Variants in AHNAK observed in about 807,000 individuals in gnomAD.
AHNAK encodes AHNAK nucleoprotein.
In AHNAK, 23 loss-of-function variants were observed where a neutral mutation model predicts 37.8. That is an observed-to-expected ratio of 0.61 (90% CI 0.44 to 0.86). The LOEUF (loss-of-function observed/expected upper bound fraction) is 0.86. Among genes scored for constraint, AHNAK ranks in the 40% least tolerant of loss-of-function variants. AHNAK has a pLI of 0.00. For missense variants in AHNAK, 7,411 were observed against 7,319.4 expected (o/e 1.01, Z -0.46); for synonymous variants, 2,481 against 2,636.3 (o/e 0.94, Z 1.80).
In AHNAK at chr11:62,523,744, T is replaced by G; in HGVS notation, c.10673A>C (p.Lys3558Thr). 1 of 1,613,694 alleles carries G rather than the reference T, an allele frequency of 6.2e-7. No individual in the cohort carries two copies. Among genetic ancestry groups the G allele is most frequent in the Non-Finnish European group, 8.5e-7 (1 of 1,179,936 alleles). ...IDLNLKGPKV[K>T]GDVDISLPKL... ...GGGAAGAGAAATATCCACATCACCT[T>G]TCACCTTGGGGCCTTTCAAGTTTAA... is the stretch of plus-strand genomic sequence containing the variant. The change falls in exon 5 of 5, where the codon AAA (lysine) becomes ACA (threonine). Residue 3558 changes from lysine (K) to threonine (T), a missense_variant. Transcript: ENST00000378024.
chr11:62,466,091 G>A (rs929210380), intron 5 of AHNAK, among the ~76,000 whole-genome samples: 5 of 152,218 alleles, frequency 3.3e-5, no homozygotes, highest in East Asian at 1.9e-4. Flanking sequence ...AGGCCGAGGC[G>A]AGTGGATCAC....
chr11:62,438,009 A>G (rs1281162029), intron 5 of AHNAK, among the ~76,000 whole-genome samples: 5 of 151,626 alleles, frequency 3.3e-5, no homozygotes, highest in African/African-American at 1.2e-4. Flanking sequence ...TGATCCTCCC[A>G]CCTCAGTCTC....
rs1321491502 is a variant in AHNAK, at chr11:62,519,347, T to A, written c.15070A>T (p.Lys5024Ter). 6.2e-7 allele frequency: 1 copy of A among 1,614,144 alleles called. No individual in the cohort carries two copies. Among genetic ancestry groups the A allele is most frequent in the Non-Finnish European group, 8.5e-7 (1 of 1,180,018 alleles). ...VGGKGKKSKF[K>*]MPKIHMSGPK... ...CCACTCATATGAATTTTAGGCATTTTAAACTTACTTTTCTTGCCCTTGCCA... is the reference window on the plus strand; with the variant it reads ...CCACTCATATGAATTTTAGGCATTTAAAACTTACTTTTCTTGCCCTTGCCA... The change falls in exon 5 of 5, where the codon AAA becomes TAA. Residue 5024 changes from lysine (K) to a stop codon, truncating the protein, a stop_gained. Transcript: ENST00000378024. LOFTEE classifies it low-confidence loss of function (END_TRUNC).
Position 62,530,865 on chromosome 11 carries a change from C to A in AHNAK, c.3552G>T (p.Lys1184Asn). 1 of 1,614,092 alleles carries A rather than the reference C, an allele frequency of 6.2e-7. No homozygotes were observed. The highest frequency in any genetic ancestry group is 8.5e-7 in the Non-Finnish European group (1 of 1,180,008). ...PEGKLKGPKFKMPEMHFKTPK... is the reference protein window; with the variant it reads ...PEGKLKGPKFNMPEMHFKTPK... The stretch of plus-strand genomic sequence containing the variant: ...GGGTCTTGAAATGCATCTCAGGCAT[C>A]TTAAACTTGGGACCCTTCAGCTTCC... The change falls in exon 5 of 5, where the codon AAG (lysine) becomes AAT (asparagine). Residue 1184 changes from lysine (K) to asparagine (N), a missense_variant. By Grantham distance (94) the Lys-to-Asn change is moderately conservative (BLOSUM62 0). Transcript: ENST00000378024.
At chr11:62,463,022 G>T (rs938943643) in intron 5 of AHNAK, among the ~76,000 whole-genome samples, 5 of 151,602 alleles carry the variant, frequency 3.3e-5, no homozygotes, top group African/African-American at 1.2e-4. Context: ...TACTCGGGAG[G>T]CTGAGGCAGG....
intron 4 of AHNAK, among the ~76,000 whole-genome samples, chr11:62,510,439 A>G (rs1225575006): frequency 6.6e-6 from 1 of 152,142 alleles, no homozygotes; most frequent in African/African-American, 2.4e-5. Context: ...TGATTCAGCA[A>G]AAGTAATGAT....
Position 62,519,004 on chromosome 11 carries a change from G to A in AHNAK, c.15413C>T (p.Ala5138Val), listed in dbSNP as rs368268712. ...AIHVEGLDIK[A>V]KAPKVKMPDV... ...TGGCATCTTGACCTTGGGAGCCTTC[G>A]CCTTGATGTCAAGACCTTCGACGTG... Residue 5138 changes from alanine to valine, a missense_variant, in exon 5 of 5, where the codon GCG becomes GTG. Ala to Val is a moderately conservative substitution (Grantham distance 64). Transcript: ENST00000378024. The A allele has an allele frequency of 4.6e-5, 75 of 1,613,934 alleles. No homozygotes were observed. Among genetic ancestry groups the A allele is most frequent in the African/African-American group, 1.6e-4 (12 of 74,888 alleles).
intron 5 of AHNAK, among the ~76,000 whole-genome samples, chr11:62,463,017 G>A (rs996851922): frequency 5.3e-5 from 8 of 151,570 alleles, no homozygotes; most frequent in Non-Finnish European, 8.8e-5. Flanking sequence ...CCAGCTACTC[G>A]GGAGGCTGAG....
chr11:62,530,392 T>C lies in AHNAK; in HGVS notation c.4025A>G (p.Asp1342Gly). ...ACCTTCTACCTCAGGCAAGGACACA[T>C]CCACATCTCCCTTCAATTTTGGCCC... ...LKGPKLKGDV[D>G]VSLPEVEGEM... The change falls in exon 5 of 5, where the codon GAT (aspartate) becomes GGT (glycine). Residue 1342 changes from aspartate to glycine, a missense_variant. Physicochemically the swap from Asp to Gly is moderately conservative, Grantham distance 94. Transcript: ENST00000378024. The C allele has an allele frequency of 1.2e-6, 2 of 1,614,118 alleles. No homozygotes were observed. The highest frequency in any genetic ancestry group is 2.7e-5 in the African/African-American group (2 of 75,020).
At chr11:62,439,860 G>A (rs1938266748) in intron 5 of AHNAK, among the ~76,000 whole-genome samples, 1 of 151,636 alleles carries the variant, frequency 6.6e-6, no homozygotes, top group South Asian at 2.1e-4. Flanking sequence ...TGGAGATGAG[G>A]TTTTGCCATG....
rs767591265 is a variant in AHNAK, at chr11:62,525,704, G to T, written c.8713C>A (p.Pro2905Thr). The T allele has an allele frequency of 1.2e-5, 20 of 1,613,466 alleles. No individual in the cohort carries two copies. In the African/African-American group the frequency reaches 1.6e-4, roughly 13 times the overall value. Reference protein sequence around the residue: ...PKMKMPKFSMPGFKAEGPEVD... With the variant: ...PKMKMPKFSMTGFKAEGPEVD... ...TCAGGGCCCTCTGCTTTGAAGCCAG[G>T]CATGCTGAACTTGGGCATTTTCATC... Residue 2905 changes from proline to threonine, a missense_variant, in exon 5 of 5, where the codon CCT becomes ACT. Physicochemically the swap from Pro to Thr is conservative, Grantham distance 38. Transcript: ENST00000378024.
In AHNAK at chr11:62,531,960, G is replaced by A. The variant is rs1940768336; in HGVS notation, c.2457C>T (p.Ser819=). 1 of 1,614,080 alleles carries A rather than the reference G, an allele frequency of 6.2e-7. No homozygotes were observed. The highest frequency in any genetic ancestry group is 1.1e-5 in the South Asian group (1 of 91,092). ...TCAGATGTAAGTCCACATCAGGCATGGAGATCTTGGGGACTTTGATGTTCA... is the reference window on the plus strand; with the variant it reads ...TCAGATGTAAGTCCACATCAGGCATAGAGATCTTGGGGACTTTGATGTTCA... ...PEMNIKVPKI[S]MPDVDLHLKG... is the part of the protein sequence containing the mutation. The change falls in exon 5 of 5, where the codon TCC becomes TCT. Residue 819 remains serine, a synonymous_variant. Coordinates refer to ENST00000378024, the MANE Select transcript of AHNAK (RefSeq NM_001620.3).
At chr11:62,541,102 G>C (rs1941110227) in intron 1 of AHNAK, among the ~76,000 whole-genome samples, 1 of 152,182 alleles carries the variant, frequency 6.6e-6, no homozygotes, top group Non-Finnish European at 1.5e-5. Context: ...AGCAGCTAGA[G>C]ACAGCCCTGC....
intron 4 of AHNAK, among the ~76,000 whole-genome samples, chr11:62,492,300 G>A (rs969378542): frequency 2.0e-5 from 3 of 152,120 alleles, no homozygotes; most frequent in Non-Finnish European, 2.9e-5. Context: ...TGGATACTGC[G>A]GGGCAGGGGT....
At chr11:62,469,231 AC>A (rs1326709358) in intron 5 of AHNAK, among the ~76,000 whole-genome samples, 15 of 151,682 alleles carry the variant, frequency 9.9e-5, no homozygotes, top group African/African-American at 3.6e-4. Flanking sequence ...AAGAGATCCT[AC>A]TGCCTCAGCC....
rs143548277 is a variant in AHNAK at position 62,533,565 on chromosome 11, A to G, written c.852T>C (p.Leu284=). 6.2e-6 allele frequency: 10 copies of G among 1,613,822 alleles called. No individual in the cohort carries two copies. The highest frequency in any genetic ancestry group is 8.5e-6 in the Non-Finnish European group (10 of 1,179,972). Residue 284 remains leucine (L), a synonymous_variant, in exon 5 of 5, where the codon CTT becomes CTC. Transcript: ENST00000378024. ...QVPAVDISSS[L]GGRAVEVQGP... Reference sequence around the variant, plus strand: ...CCTGTACCTCTACTGCCCTACCCCCAAGAGAAGATGAAATGTCCACTGCTG... The same window carrying G: ...CCTGTACCTCTACTGCCCTACCCCCGAGAGAAGATGAAATGTCCACTGCTG...
intron 4 of AHNAK, among the ~76,000 whole-genome samples, chr11:62,503,173 G>T (rs186978204): frequency 2.3e-4 from 35 of 152,240 alleles, no homozygotes; most frequent in Admixed American, 4.6e-4. Flanking sequence ...GTTTTTTCCT[G>T]TCCTTATTTC....
In AHNAK at chr11:62,532,429, T is replaced by C. The variant is rs1427812241; in HGVS notation, c.1988A>G (p.Lys663Arg). ...PKGDISISGP[K>R]VNVEAPDVNL... is the part of the protein sequence containing the mutation. The stretch of plus-strand genomic sequence containing the variant: ...GACATCTGGGGCTTCCACATTGACC[T>C]TGGGCCCTGAAATACTGATATCTCC... The change falls in exon 5 of 5, where the codon AAG becomes AGG. Residue 663 changes from lysine (K) to arginine (R), a missense_variant. Physicochemically the swap from Lys to Arg is conservative, Grantham distance 26 (BLOSUM62 2). Transcript: ENST00000378024. The C allele has an allele frequency of 6.2e-7, 1 of 1,614,148 alleles. No homozygotes were observed.
At chr11:62,499,138 G>A (rs1480485441) in intron 4 of AHNAK, among the ~76,000 whole-genome samples, 3 of 152,198 alleles carry the variant, frequency 2.0e-5, no homozygotes, top group Admixed American at 6.5e-5. Context: ...GGGGCATGAC[G>A]TAGATGAACT....
Sources: allele counts gnomAD v4.1 joint callset (sites outside exome capture counted in the v4.1 genomes callset), GRCh38; gene constraint gnomAD v4.1.1; transcripts MANE v1.5; gene names NCBI Gene and HGNC (gene_info 2026-07-23, HGNC 2026-07-21).